L3MBTL4: variants seen among roughly 807,000 people sequenced by gnomAD.
L3MBTL4 encodes lethal(3)malignant brain tumor-like protein 4.
Under a neutral mutation model 84.5 loss-of-function variants are expected in L3MBTL4, and 70 were observed. The observed-to-expected ratio is 0.83, with a 90% CI of 0.68 to 1.01. L3MBTL4 has a LOEUF of 1.01. Among genes scored for constraint, L3MBTL4 ranks in the 50% least tolerant of loss-of-function variants. L3MBTL4 has a pLI of 0.00. For synonymous variants in L3MBTL4, 274 were observed against 259.8 expected (o/e 1.05, Z -0.52); for missense variants, 715 against 754.8 (o/e 0.95, Z 0.62).
chr18:6,238,066 G>T (rs372839100), intron 9 of L3MBTL4, 26 bp from the exon 10 acceptor site: 4 of 1,598,060 alleles, frequency 2.5e-6, no homozygotes, highest in African/African-American at 1.3e-5. Flanking sequence ...TCTATATTAC[G>T]TTCCGTTTTA....
At chr18:6,070,879 A>G (rs1196492688) in intron 16 of L3MBTL4, among the ~76,000 whole-genome samples, 1 of 152,074 alleles carries the variant, frequency 6.6e-6, no homozygotes, top group African/African-American at 2.4e-5. Context: ...ATGAAGTACA[A>G]AAGATAATTT....
intron 1 of L3MBTL4, among the ~76,000 whole-genome samples, chr18:6,401,863 G>T (rs559057823): frequency 3.9e-5 from 6 of 152,356 alleles, no homozygotes; most frequent in African/African-American, 1.4e-4. Context: ...CAAGGGTGTA[G>T]AAGAGCTCCA....
At chr18:6,029,526 G>T (rs2055676753) in intron 16 of L3MBTL4, 1 of 984,656 alleles carries the variant, frequency 1.0e-6, no homozygotes, top group Non-Finnish European at 1.2e-6. Context: ...ATCTTAGGTG[G>T]AGGACATCAA....
chr18:6,294,133 T>C (rs1300252861), intron 4 of L3MBTL4, among the ~76,000 whole-genome samples: 1 of 152,068 alleles, frequency 6.6e-6, no homozygotes, highest in African/African-American at 2.4e-5. Flanking sequence ...GGTGATGAGG[T>C]ATCGGATTGA....
At chr18:6,382,775 C>T (rs771019773) in intron 1 of L3MBTL4, among the ~76,000 whole-genome samples, 1 of 152,178 alleles carries the variant, frequency 6.6e-6, no homozygotes, top group Non-Finnish European at 1.5e-5. Flanking sequence ...GTCTCCCAGT[C>T]AGGATACACA....
At chr18:6,050,707 A>T (rs1255096380) in intron 16 of L3MBTL4, among the ~76,000 whole-genome samples, 7 of 152,022 alleles carry the variant, frequency 4.6e-5, no homozygotes, top group African/African-American at 1.5e-4. Flanking sequence ...TTTTAATGAA[A>T]TTTTTTCTCT....
intron 17 of L3MBTL4, among the ~76,000 whole-genome samples, chr18:5,965,860 T>C (rs1039567285): frequency 2.0e-5 from 3 of 152,096 alleles, no homozygotes; most frequent in Non-Finnish European, 1.5e-5. Flanking sequence ...ATAATGAAAA[T>C]GGTTTTCCCT....
In L3MBTL4 at chr18:5,956,396, ACAT is replaced by A. The variant is rs1567908506; in HGVS notation, c.1678-12_1678-10del. 6.2e-7 allele frequency: 1 copy of A among 1,612,070 alleles called. No homozygotes were observed. The highest frequency in any genetic ancestry group is 1.1e-5 in the South Asian group (1 of 90,684). ...GCTTTGCCATCGATCTGCTGCAAAT[ACAT>A]AAATAGACACAAATAAAAATGTTTT... On this transcript the variant is annotated splice_polypyrimidine_tract_variant and intron_variant, in intron 18 of 18. Coordinates refer to ENST00000317931, the MANE Select transcript of L3MBTL4 (RefSeq NM_001330559.2).
chr18:6,329,411 C>A (rs1286968662), intron 1 of L3MBTL4, among the ~76,000 whole-genome samples: 2 of 152,050 alleles, frequency 1.3e-5, no homozygotes, highest in Non-Finnish European at 2.9e-5. Flanking sequence ...CCTCAGCCTC[C>A]CAAAGTGCTC....
intron 16 of L3MBTL4, among the ~76,000 whole-genome samples, chr18:6,040,218 C>T (rs966787436): frequency 1.3e-5 from 2 of 152,072 alleles, no homozygotes; most frequent in Non-Finnish European, 2.9e-5. Context: ...AAATTCAACA[C>T]AAGAGATCAC....
intron 13 of L3MBTL4, among the ~76,000 whole-genome samples, chr18:6,149,042 T>A (rs924160929): frequency 3.9e-5 from 6 of 152,298 alleles, no homozygotes; most frequent in East Asian, 1.9e-4. Context: ...GAGGAGTTTT[T>A]AAAAATTTTT....
chr18:6,355,596 T>C (rs2053406323), intron 1 of L3MBTL4, among the ~76,000 whole-genome samples: 1 of 152,114 alleles, frequency 6.6e-6, no homozygotes, highest in Non-Finnish European at 1.5e-5. Context: ...ACTATCTGAA[T>C]ACAAAGGCCT....
chr18:6,225,128 GATCATA>G lies in L3MBTL4; in HGVS notation c.785-9299_785-9294del, dbSNP rs1216803065. 2.0e-5 allele frequency among the ~76,000 whole-genome samples: 3 copies of G among 152,256 alleles called. No individual in the cohort carries two copies. The East Asian group carries it at 5.8e-4, about 29-fold the overall frequency. On this transcript the variant is annotated intron_variant, in intron 10 of 18. Coordinates refer to ENST00000317931, the MANE Select transcript of L3MBTL4 (RefSeq NM_001330559.2). ...AGACTGTTACTCGCTCCCTAACAAT[GATCATA>G]AACTTTCTTGAGCCCACAGGAGATC...
intron 1 of L3MBTL4, among the ~76,000 whole-genome samples, chr18:6,360,281 G>T (rs111663367): frequency 0.015 from 2,214 of 152,256 alleles, 53 homozygotes; most frequent in Admixed American, 0.048. Context: ...TGACACGGGG[G>T]GATCCCTTAA....
chr18:6,399,211 G>C (rs2055409134), intron 1 of L3MBTL4, among the ~76,000 whole-genome samples: 1 of 152,178 alleles, frequency 6.6e-6, no homozygotes, highest in Non-Finnish European at 1.5e-5. Context: ...AGGCCGAGGA[G>C]GGGAGATCAC....
intron 12 of L3MBTL4, among the ~76,000 whole-genome samples, chr18:6,200,786 T>C (rs1287502320): frequency 6.6e-6 from 1 of 152,240 alleles, no homozygotes; most frequent in African/African-American, 2.4e-5. Context: ...GGTATATTCA[T>C]AATAGAGAAA....
chr18:6,019,657 T>C (rs1487844194), intron 16 of L3MBTL4, among the ~76,000 whole-genome samples: 1 of 152,198 alleles, frequency 6.6e-6, no homozygotes, highest in Non-Finnish European at 1.5e-5. Context: ...TGAGGTATTA[T>C]CTCCACTTTT....
chr18:6,093,622 A>T, intron 14 of L3MBTL4, 94 bp from the exon 15 acceptor site: 1 of 1,002,106 alleles, frequency 1.0e-6, no homozygotes, highest in Admixed American at 3.1e-5. Context: ...TAATATTTAA[A>T]AATTGCATAG....
intron 12 of L3MBTL4, among the ~76,000 whole-genome samples, chr18:6,172,578 C>CG (rs2044029197): frequency 6.6e-6 from 1 of 152,082 alleles, no homozygotes; most frequent in Non-Finnish European, 1.5e-5. Flanking sequence ...CAGGTCCAGC[C>CG]ATCCTACTGG....
Sources: gnomAD v4.1 joint callset for allele counts (sites outside exome capture counted in the v4.1 genomes callset) on GRCh38, gnomAD v4.1.1 for gene constraint, MANE v1.5 for transcripts, NCBI Gene and HGNC (gene_info 2026-07-23, HGNC 2026-07-21) for gene names.